Variants in NXPE2 observed in about 807,000 individuals in gnomAD.
NXPE2 encodes the protein NXPE family member 2.
A neutral mutation model predicts 34.4 loss-of-function variants in NXPE2; 34 were observed. The ratio of observed to expected loss-of-function variants is 0.99; its 90% confidence interval spans 0.75 to 1.31. The LOEUF (loss-of-function observed/expected upper bound fraction) is 1.31. NXPE2 is among the 40% of genes most tolerant of loss of function. The pLI is 0.00. For synonymous variants in NXPE2, 235 were observed against 231.3 expected (o/e 1.02, Z -0.15); for missense variants, 649 against 672.5 (o/e 0.97, Z 0.39).
the NXPE2 span, among the ~76,000 whole-genome samples, chr11:114,669,063 C>T: frequency 6.6e-6 from 1 of 151,940 alleles, no homozygotes; most frequent in East Asian, 1.9e-4. Flanking sequence ...TAGAGCTCCA[C>T]AGAAAATTCC....
At chr11:114,563,999 C>A in the NXPE2 span, among the ~76,000 whole-genome samples, 1 of 152,004 alleles carries the variant, frequency 6.6e-6, no homozygotes, top group African/African-American at 2.4e-5. Flanking sequence ...AAGACACTGG[C>A]ACACACATGT....
At chr11:114,750,047 C>T in the NXPE2 span, among the ~76,000 whole-genome samples, 1 of 152,154 alleles carries the variant, frequency 6.6e-6, no homozygotes, top group Admixed American at 6.5e-5. Flanking sequence ...AGGCTCAGAC[C>T]CAAGTGGCCC....
the NXPE2 span, among the ~76,000 whole-genome samples, chr11:114,611,126 G>T: frequency 6.7e-6 from 1 of 150,278 alleles, no homozygotes; most frequent in African/African-American, 2.5e-5. Context: ...AGTTAGTATT[G>T]CCTCATGGGT....
the NXPE2 span, among the ~76,000 whole-genome samples, chr11:114,565,424 C>T: frequency 6.6e-6 from 1 of 152,166 alleles, no homozygotes; most frequent in Non-Finnish European, 1.5e-5. Context: ...TTAACATATG[C>T]TAGACGTAGT....
chr11:114,600,640 A>G, the NXPE2 span, among the ~76,000 whole-genome samples: 1 of 152,126 alleles, frequency 6.6e-6, no homozygotes, highest in Non-Finnish European at 1.5e-5. Context: ...AGACATGATG[A>G]CTAAATGCAA....
chr11:114,547,739 AG>A, the NXPE2 span, among the ~76,000 whole-genome samples: 1 of 152,196 alleles, frequency 6.6e-6, no homozygotes, highest in Admixed American at 6.5e-5. Context: ...TGTCTCAAAA[AG>A]GAAAAGAAAT....
chr11:114,732,442 A>G, the NXPE2 span, among the ~76,000 whole-genome samples: 1 of 152,198 alleles, frequency 6.6e-6, no homozygotes, highest in Non-Finnish European at 1.5e-5. Flanking sequence ...GCTTTCTCAC[A>G]AGTGTCCCTG....
chr11:114,473,481 C>T, the NXPE2 span, among the ~76,000 whole-genome samples: 7 of 152,122 alleles, frequency 4.6e-5, no homozygotes, highest in Non-Finnish European at 8.8e-5. Flanking sequence ...ATGGATAAAA[C>T]GTTGTGATAC....
the NXPE2 span, among the ~76,000 whole-genome samples, chr11:114,470,614 T>A: frequency 7.6e-6 from 1 of 131,070 alleles, no homozygotes; most frequent in African/African-American, 2.8e-5. Flanking sequence ...TGTGTGTGTG[T>A]GTGTGTGTGT....
the NXPE2 span, among the ~76,000 whole-genome samples, chr11:114,604,473 C>T: frequency 6.6e-6 from 1 of 152,036 alleles, no homozygotes; most frequent in Non-Finnish European, 1.5e-5. Flanking sequence ...TGGGTAACCA[C>T]TGTTACCTGG....
At chr11:114,526,175 A>T in the NXPE2 span, among the ~76,000 whole-genome samples, 1 of 152,186 alleles carries the variant, frequency 6.6e-6, no homozygotes, top group Non-Finnish European at 1.5e-5. Flanking sequence ...TAAGCAAAGG[A>T]ACAGATTCTC....
chr11:114,806,418 A>T, the NXPE2 span, among the ~76,000 whole-genome samples: 1 of 138,714 alleles, frequency 7.2e-6, no homozygotes, highest in Non-Finnish European at 1.5e-5. Context: ...GGAAATTCGA[A>T]CCAATGGCAA....
the NXPE2 span, among the ~76,000 whole-genome samples, chr11:114,494,812 A>G: frequency 5.9e-5 from 9 of 152,164 alleles, no homozygotes; most frequent in Non-Finnish European, 1.3e-4. Flanking sequence ...TGTAGTCTTC[A>G]TGGTCTGGGC....
At chr11:114,594,029 G>C in the NXPE2 span, among the ~76,000 whole-genome samples, 1 of 152,084 alleles carries the variant, frequency 6.6e-6, no homozygotes, top group African/African-American at 2.4e-5. Flanking sequence ...GGCTGGGAAG[G>C]GTGGTGGGGG....
the NXPE2 span, among the ~76,000 whole-genome samples, chr11:114,514,246 C>T: frequency 6.6e-6 from 1 of 152,274 alleles, no homozygotes; most frequent in Middle Eastern, 3.4e-3. Context: ...AGCAGTCTCT[C>T]ATTGCTGGAC....
the NXPE2 span, among the ~76,000 whole-genome samples, chr11:114,780,482 A>T: frequency 1.3e-5 from 2 of 152,202 alleles, no homozygotes; most frequent in African/African-American, 2.4e-5. Context: ...GGTTTTCCTG[A>T]TGTCCTGCAG....
the NXPE2 span, among the ~76,000 whole-genome samples, chr11:114,613,888 A>G: frequency 2.0e-5 from 3 of 152,032 alleles, no homozygotes; most frequent in Non-Finnish European, 2.9e-5. Flanking sequence ...TGTGGATAAT[A>G]AGTGTTGCCT....
At chr11:114,659,563 A>G in the NXPE2 span, among the ~76,000 whole-genome samples, 1 of 152,186 alleles carries the variant, frequency 6.6e-6, no homozygotes, top group Non-Finnish European at 1.5e-5. Flanking sequence ...GAAACAACAT[A>G]CTTCTACATA....
chr11:114,522,911 T>C, the NXPE2 span: 1 of 1,613,318 alleles, frequency 6.2e-7, no homozygotes. Flanking sequence ...GTAGATCCAC[T>C]GACGTAGTGT....
Sources: gnomAD v4.1 joint callset for allele counts (sites outside exome capture counted in the v4.1 genomes callset) on GRCh38, gnomAD v4.1.1 for gene constraint, MANE v1.5 for transcripts, NCBI Gene and HGNC (gene_info 2026-07-23, HGNC 2026-07-21) for gene names.